Variants in TTC7A observed in about 807,000 individuals in gnomAD.
The protein encoded by TTC7A is tetratricopeptide repeat protein 7A.
TTC7A carries 110 observed loss-of-function variants against 103.7 expected under a neutral mutation model. The ratio of observed to expected loss-of-function variants is 1.06; its 90% CI spans 0.91 to 1.24. TTC7A has a LOEUF of 1.24. Among genes scored for constraint, TTC7A ranks in the 50% most tolerant of loss-of-function variants. The pLI, the probability that TTC7A is intolerant of heterozygous loss-of-function variation, is 0.00. For synonymous variants in TTC7A, 521 were observed against 467.9 expected (o/e 1.11, Z -1.47); for missense variants, 1,340 against 1,116.3 (o/e 1.20, Z -2.86).
In TTC7A at chr2:46,963,018, G is replaced by T. The variant is rs1672524954; in HGVS notation, c.517+6011G>T. Among the ~76,000 whole-genome samples, 3 of 152,202 alleles carry T rather than the reference G, an allele frequency of 2.0e-5. No homozygotes were observed. The South Asian group carries it at 6.2e-4, about 31-fold the overall frequency. On this transcript the variant is annotated intron_variant, in intron 3 of 19. Coordinates refer to ENST00000319190, the MANE Select transcript of TTC7A (RefSeq NM_020458.4). The stretch of plus-strand genomic sequence containing the variant: ...TTCAAGTCCATGGATCTAGATCCAG[G>T]CCTCAAGGGTCTGTCGCTCAGCAGC...
chr2:46,951,222 C>G (rs1303779580), intron 2 of TTC7A, among the ~76,000 whole-genome samples: 1 of 151,990 alleles, frequency 6.6e-6, no homozygotes, highest in Non-Finnish European at 1.5e-5. Flanking sequence ...AGTATGGTCA[C>G]AACTTTCTCT....
rs10587096 is a variant in TTC7A, at chr2:47,042,675, AGTGT to A, written c.1803-3615_1803-3612del. Among the ~76,000 whole-genome samples, 197 of 148,436 alleles carry A rather than the reference AGTGT, an allele frequency of 1.3e-3. 1 individual carries two copies. Among genetic ancestry groups the A allele is most frequent in the Non-Finnish European group, 2.0e-3 (133 of 66,978 alleles). On this transcript the variant is annotated intron_variant, in intron 15 of 19. Coordinates refer to ENST00000319190, the MANE Select transcript of TTC7A (RefSeq NM_020458.4). ...TTAGGGTGGTGTGTCCTGAGCCCCA[AGTGT>A]GTGTGTGTGTGTGTGTGTGTGTGTA... is the stretch of plus-strand genomic sequence containing the variant.
intron 15 of TTC7A, among the ~76,000 whole-genome samples, chr2:47,035,812 C>G (rs1446520360): frequency 6.6e-6 from 1 of 152,170 alleles, no homozygotes; most frequent in Non-Finnish European, 1.5e-5. Context: ...AGCCCCAAGA[C>G]AAAGCCTTTT....
At chr2:47,023,335 G>A in intron 12 of TTC7A, 73 bp from the exon 13 acceptor site, 1 of 1,512,338 alleles carries the variant, frequency 6.6e-7, no homozygotes, top group East Asian at 2.3e-5. Flanking sequence ...TGTGTGCTTT[G>A]AGGATGGTGC....
chr2:47,024,530 G>A (rs1679670349), intron 14 of TTC7A, among the ~76,000 whole-genome samples, 171 bp downstream of exon 14: 2 of 152,170 alleles, frequency 1.3e-5, no homozygotes, highest in South Asian at 2.1e-4. Context: ...CAGTAAGGAT[G>A]AGGTCAGGTA....
At chr2:46,970,733 A>G (rs1167475573) in intron 3 of TTC7A, among the ~76,000 whole-genome samples, 3 of 152,200 alleles carry the variant, frequency 2.0e-5, no homozygotes, top group African/African-American at 7.2e-5. Flanking sequence ...TAGCTCTGGC[A>G]GTGAGCAACG....
intron 11 of TTC7A, among the ~76,000 whole-genome samples, chr2:47,011,695 G>T: frequency 6.6e-6 from 1 of 152,254 alleles, no homozygotes; most frequent in East Asian, 1.9e-4. Context: ...ACATAAGGAA[G>T]TAGAGGTGTT....
intron 4 of TTC7A, 43 bp from the exon 5 acceptor site, chr2:46,978,749 C>A: frequency 6.4e-7 from 1 of 1,560,264 alleles, no homozygotes. Context: ...CCCTCTGCCT[C>A]AGAACTTTGA....
intron 3 of TTC7A, among the ~76,000 whole-genome samples, chr2:46,965,138 G>A (rs1340299869): frequency 2.6e-5 from 4 of 152,188 alleles, no homozygotes; most frequent in Non-Finnish European, 4.4e-5. Flanking sequence ...TCCTCTCCCC[G>A]CCCGTTGAAG....
chr2:46,922,132 G>T (rs11684448), intron 2 of TTC7A, among the ~76,000 whole-genome samples: 3,938 of 152,198 alleles, frequency 0.026, 83 homozygotes, highest in Non-Finnish European at 0.043. Flanking sequence ...GAGCAGGCTG[G>T]CTAGGGTCAT....
At chr2:46,949,608 T>C (rs1572697194) in intron 1 of TTC7A, among the ~76,000 whole-genome samples, 2 of 152,134 alleles carry the variant, frequency 1.3e-5, no homozygotes, top group East Asian at 1.9e-4. Flanking sequence ...GTATACCCTA[T>C]ATGTGAGAGA....
intron 19 of TTC7A, among the ~76,000 whole-genome samples, chr2:47,062,416 TC>T (rs1175046879): frequency 6.6e-6 from 1 of 152,248 alleles, no homozygotes; most frequent in Non-Finnish European, 1.5e-5. Flanking sequence ...CCATGTTCCT[TC>T]CCACATGGCT....
chr2:47,065,144 G>T (rs561457226), intron 19 of TTC7A, among the ~76,000 whole-genome samples: 1 of 152,186 alleles, frequency 6.6e-6, no homozygotes, highest in South Asian at 2.1e-4. Context: ...AAAATTAGCC[G>T]GGCGTGGTGG....
chr2:47,009,572 G>A (rs1677795402), intron 10 of TTC7A, among the ~76,000 whole-genome samples: 1 of 152,150 alleles, frequency 6.6e-6, no homozygotes, highest in South Asian at 2.1e-4. Context: ...CTGGAGGGAG[G>A]CGGGGTGTCC....
chr2:46,950,526 G>A lies in TTC7A; in HGVS notation c.348G>A (p.Ser116=), dbSNP rs779808838. Residue 116 remains serine, a splice_region_variant and synonymous_variant, in exon 2 of 20, where the codon TCG becomes TCA. Coordinates refer to ENST00000319190, the MANE Select transcript of TTC7A (RefSeq NM_020458.4). ...GTATCCTTAACCATGGGAGGCTCTC[G>A]GTAAGTCGTCAGCCTTCAAGCCTGA... ...LSSILNHGRL[S]PQYMCEAMLI... 1.1e-5 allele frequency: 18 copies of A among 1,613,654 alleles called. No homozygotes were observed. Among genetic ancestry groups the A allele is most frequent in the Admixed American group, 3.3e-5 (2 of 59,942 alleles).
rs1306445913 is a variant in TTC7A, at chr2:47,060,860, C to G, written c.2244C>G (p.Leu748=). The change falls in exon 19 of 20, where the codon CTC becomes CTG. Residue 748 remains leucine (L), a synonymous_variant. Transcript: ENST00000319190. ...AGLFPTSHSV[L]YMRGRLAEVK... is the part of the protein sequence containing the mutation. ...TCTTCCCCACTTCTCACTCAGTACT[C>G]TATATGCGGGGCCGGCTGGCTGAGG... 1.8e-5 allele frequency: 29 copies of G among 1,614,068 alleles called. No homozygotes were observed. The highest frequency in any genetic ancestry group is 2.2e-5 in the Non-Finnish European group (26 of 1,180,022).
rs1685013729 is a variant in TTC7A at position 47,074,042 on chromosome 2, G to A, written c.*119G>A. On this transcript the variant is annotated 3_prime_UTR_variant, in exon 20 of 20. Transcript: ENST00000319190. Reference sequence around the variant, plus strand: ...GGCCTCAGGGAAATACATCTTTAGTGAACGCCTCTGCAGCTGCAGCCCTCG... The same window carrying A: ...GGCCTCAGGGAAATACATCTTTAGTAAACGCCTCTGCAGCTGCAGCCCTCG... The A allele has an allele frequency of 8.2e-6, 6 of 728,200 alleles. No homozygotes were observed. The highest frequency in any genetic ancestry group is 1.8e-5 in the African/African-American group (1 of 56,522). 45.1% of individuals were successfully genotyped at this position (728,200 alleles called of 1,614,324 possible).
upstream of TTC7A, among the ~76,000 whole-genome samples, chr2:46,936,606 T>G (rs1293838847): frequency 6.6e-6 from 1 of 152,154 alleles, no homozygotes; most frequent in African/African-American, 2.4e-5. Context: ...TCAACCTGTC[T>G]ATGGCTTCCT....
At position 46,995,175 on chromosome 2, in the gene TTC7A, G is replaced by GCTC; in HGVS notation, c.1048_1050dup (p.Leu350dup). On this transcript the variant is annotated inframe_insertion, in exon 8 of 20. Coordinates refer to ENST00000319190, the MANE Select transcript of TTC7A (RefSeq NM_020458.4). ...AGGACAACATCGAGGAAGCCCTCCT[G>GCTC]CTCCTCCTCATCAGCGAATCCATGG... The GCTC allele has an allele frequency of 6.2e-7, 1 of 1,614,170 alleles. No individual in the cohort carries two copies.
Sources: gnomAD v4.1 joint callset for allele counts (sites outside exome capture counted in the v4.1 genomes callset) on GRCh38, gnomAD v4.1.1 for gene constraint, MANE v1.5 for transcripts, NCBI Gene and HGNC (gene_info 2026-07-23, HGNC 2026-07-21) for gene names.